ECE1: variants seen among roughly 807,000 people sequenced by gnomAD.
The protein encoded by ECE1 is endothelin-converting enzyme 1.
ECE1 carries 35 observed loss-of-function variants against 98.6 expected under a neutral mutation model. That is an observed-to-expected ratio of 0.35 (90% CI 0.27 to 0.47). The LOEUF is 0.47. Ranked by LOEUF, ECE1 falls within the 20% of genes least tolerant of loss-of-function variation. The pLI is 1.00. For synonymous variants in ECE1, 394 were observed against 407.1 expected, an observed-to-expected ratio of 0.97 and a Z score of 0.39; for missense variants, 814 against 1,025.3, an observed-to-expected ratio of 0.79 and a Z score of 2.81.
chr1:21,260,483 C>G lies in ECE1; in HGVS notation c.494-91G>C. 1 of 1,516,318 alleles carries G rather than the reference C, an allele frequency of 6.6e-7. No homozygotes were observed. 93.9% of individuals were successfully genotyped at this position (1,516,318 alleles called of 1,614,324 possible). ...TCCCTCTTTTCGGAGCCTTGGTGTT[C>G]TCAGCTGCAAAGGAGCTCTGACATC... On this transcript the variant is annotated intron_variant, in intron 4 of 18. Coordinates refer to ENST00000374893, the MANE Select transcript of ECE1 (RefSeq NM_001397.3). This position sits in a 1 kb window ranked among gnomAD's most constrained non-coding sequence, Gnocchi z 4.3.
chr1:21,247,265 T>C lies in ECE1; in HGVS notation c.1119A>G (p.Glu373=). The C allele has an allele frequency of 6.2e-7, 1 of 1,613,912 alleles. No homozygotes were observed. The highest frequency in any genetic ancestry group is 8.5e-7 in the Non-Finnish European group (1 of 1,179,940). ...ESEPIVVYDK[E]YLEQISTLIN... The stretch of plus-strand genomic sequence containing the variant: ...TGAGAGTGGAGATCTGCTCAAGGTA[T>C]TCCTTGTCATAGACCACAATAGGCT... Residue 373 remains glutamate (E), a synonymous_variant, in exon 9 of 19, where the codon GAA becomes GAG. Transcript: ENST00000374893.
At chr1:21,241,500 G>A (rs1417120032) in intron 10 of ECE1, among the ~76,000 whole-genome samples, 12 of 143,342 alleles carry the variant, frequency 8.4e-5, no homozygotes, top group Non-Finnish European at 1.8e-4. Flanking sequence ...CCGGCTCACT[G>A]CAACCTCTGC....
chr1:21,223,996 T>G (rs936295320), intron 17 of ECE1, among the ~76,000 whole-genome samples: 22 of 152,156 alleles, frequency 1.4e-4, no homozygotes, highest in African/African-American at 5.3e-4. Flanking sequence ...CCAAAGGTCC[T>G]TCCTTAGCCG....
chr1:21,321,054 C>T (rs1208948678), intron 1 of ECE1, among the ~76,000 whole-genome samples: 1 of 152,124 alleles, frequency 6.6e-6, no homozygotes, highest in African/African-American at 2.4e-5. Flanking sequence ...TCTTCATGAT[C>T]ACCCTGTGCT....
At chr1:21,333,249 C>T (rs928024216) in intron 1 of ECE1, among the ~76,000 whole-genome samples, 3 of 151,868 alleles carry the variant, frequency 2.0e-5, no homozygotes, top group African/African-American at 7.3e-5. Flanking sequence ...CAGTTTTTCA[C>T]CCGGGACCTG....
intron 17 of ECE1, among the ~76,000 whole-genome samples, chr1:21,224,940 TTGG>T (rs935383634): frequency 6.6e-6 from 1 of 152,190 alleles, no homozygotes; most frequent in African/African-American, 2.4e-5. Flanking sequence ...GCTGGCTGAC[TTGG>T]TGGTAGCTTC....
Position 21,313,029 on chromosome 1 carries a change from ACAGC to A in ECE1, c.4-22877_4-22874del, listed in dbSNP as rs563095239. Among the ~76,000 whole-genome samples, 295 of 152,316 alleles carry A rather than the reference ACAGC, an allele frequency of 1.9e-3. 1 individual carries two copies. Among genetic ancestry groups the A allele is most frequent in the African/African-American group, 7.0e-3 (291 of 41,582 alleles). ...AGGGGTAGTGACTTGCTTGGATCAC[ACAGC>A]CAGAAAGTGACAGGGCAGGACTGGA... On this transcript the variant is annotated intron_variant, in intron 1 of 18. Transcript: ENST00000415912.
At chr1:21,269,197 T>A (rs537457441) in intron 4 of ECE1, among the ~76,000 whole-genome samples, 32 of 152,306 alleles carry the variant, frequency 2.1e-4, no homozygotes, top group African/African-American at 7.7e-4. Flanking sequence ...GGCTTTGAGG[T>A]CCCACAGCTC....
At chr1:21,332,869 A>T (rs973262501) in intron 1 of ECE1, among the ~76,000 whole-genome samples, 2 of 151,462 alleles carry the variant, frequency 1.3e-5, no homozygotes, top group African/African-American at 4.9e-5. Flanking sequence ...ATGGTGAAGT[A>T]AGTTTCTAAG....
intron 1 of ECE1, among the ~76,000 whole-genome samples, chr1:21,309,789 T>C (rs1276092360): frequency 6.6e-6 from 1 of 150,782 alleles, no homozygotes; most frequent in Non-Finnish European, 1.5e-5. Flanking sequence ...TTTCTTTTTT[T>C]TTTTTTTTTT....
At chr1:21,312,141 A>T (rs981959728) in intron 1 of ECE1, among the ~76,000 whole-genome samples, 46 of 85,536 alleles carry the variant, frequency 5.4e-4, no homozygotes, top group East Asian at 1.3e-3. Flanking sequence ...AAAAAAAAAA[A>T]TTTTTTTTTT....
At chr1:21,244,685 AG>A (rs1453596194) in intron 10 of ECE1, among the ~76,000 whole-genome samples, 1 of 152,174 alleles carries the variant, frequency 6.6e-6, no homozygotes, top group Non-Finnish European at 1.5e-5. Flanking sequence ...TTTCCGGGGA[AG>A]AAGTAATACT....
intron 9 of ECE1, among the ~76,000 whole-genome samples, chr1:21,245,759 T>C (rs1157848004): frequency 6.6e-6 from 1 of 151,914 alleles, no homozygotes; most frequent in Non-Finnish European, 1.5e-5. Flanking sequence ...CCATGAAAAA[T>C]GATGTTTGCA....
chr1:21,255,051 C>G (rs2098218075), intron 8 of ECE1, among the ~76,000 whole-genome samples: 1 of 152,242 alleles, frequency 6.6e-6, no homozygotes, highest in Non-Finnish European at 1.5e-5. Context: ...AGCCAGGAAG[C>G]ACATGAAGCG....
chr1:21,276,150 T>C (rs1304042791), intron 3 of ECE1, among the ~76,000 whole-genome samples: 1 of 149,802 alleles, frequency 6.7e-6, no homozygotes, highest in African/African-American at 2.5e-5. Context: ...CTCAGCCTCC[T>C]GAGTAGCTAG....
At chr1:21,337,934 G>A (rs1639333895) in intron 1 of ECE1, among the ~76,000 whole-genome samples, 1 of 152,176 alleles carries the variant, frequency 6.6e-6, no homozygotes, top group Non-Finnish European at 1.5e-5. Flanking sequence ...GCACCTGGAG[G>A]CAGCCAGTCC....
At chr1:21,303,854 T>C (rs942416972) in intron 1 of ECE1, among the ~76,000 whole-genome samples, 37 of 152,112 alleles carry the variant, frequency 2.4e-4, no homozygotes, top group Admixed American at 1.8e-3. Flanking sequence ...TTTTGCCATG[T>C]TGGCCAGGCT....
At position 21,343,691 on chromosome 1, in the gene ECE1, A is replaced by G. The variant is rs367909309; in HGVS notation, c.3+1685T>C. Among the ~76,000 whole-genome samples, 3 of 152,160 alleles carry G rather than the reference A, an allele frequency of 2.0e-5. No homozygotes were observed. In the South Asian group the frequency reaches 6.2e-4, roughly 32 times the overall value. ...AAGTCCCTGTGGGGAAGTGGAGGGG[A>G]TGGGGTTCAAACACAAATTGGTGTG... On this transcript the variant is annotated intron_variant, in intron 1 of 18. Transcript: ENST00000415912.
intron 1 of ECE1, among the ~76,000 whole-genome samples, chr1:21,310,208 C>A (rs1638687902): frequency 2.0e-5 from 3 of 152,210 alleles, no homozygotes; most frequent in Admixed American, 2.0e-4. Context: ...TGCTAGATTT[C>A]TCTCCCCTGC....
Sources: gnomAD v4.1 joint callset for allele counts (sites outside exome capture counted in the v4.1 genomes callset) on GRCh38, gnomAD v4.1.1 for gene constraint, Gnocchi (gnomAD v3.1) non-coding constraint, MANE v1.5 for transcripts, NCBI Gene and HGNC (gene_info 2026-07-23, HGNC 2026-07-21) for gene names.